COMMD8: variants seen among roughly 807,000 people sequenced by gnomAD.
COMMD8 encodes COMM domain containing 8.
A neutral mutation model predicts 27.2 loss-of-function variants in COMMD8; 28 were observed. That is an observed-to-expected ratio of 1.03 (90% confidence interval 0.76 to 1.41). The LOEUF is 1.41. COMMD8 is among the 40% of genes most tolerant of loss of function. The pLI is 0.00. For missense variants in COMMD8, 217 were observed against 211.2 expected (o/e 1.03, Z -0.17); for synonymous variants, 79 against 75.5 (o/e 1.05, Z -0.24).
intron 3 of COMMD8, among the ~76,000 whole-genome samples, chr4:47,454,127 G>GT (rs1430388551): frequency 6.6e-6 from 1 of 152,162 alleles, no homozygotes; most frequent in African/African-American, 2.4e-5. Flanking sequence ...CCAATAAATA[G>GT]TTTTTCACCC....
At chr4:47,462,772 T>C (rs1390817909) in intron 1 of COMMD8, among the ~76,000 whole-genome samples, 1 of 152,180 alleles carries the variant, frequency 6.6e-6, no homozygotes, top group Non-Finnish European at 1.5e-5. Flanking sequence ...AAATTTCTGC[T>C]GACATTTCAG....
intron 2 of COMMD8, 98 bp downstream of exon 2, chr4:47,460,046 A>C (rs1347868389): frequency 1.1e-6 from 1 of 905,976 alleles, no homozygotes; most frequent in Non-Finnish European, 1.6e-6. Context: ...ATTTGTTGTT[A>C]CTGATGATAG....
At chr4:47,454,248 G>A (rs780904038) in intron 3 of COMMD8, among the ~76,000 whole-genome samples, 18 of 152,220 alleles carry the variant, frequency 1.2e-4, no homozygotes, top group Admixed American at 5.2e-4. Flanking sequence ...GAATTGAAAC[G>A]TATCTTATTG....
chr4:47,456,799 T>C, intron 2 of COMMD8, 70 bp from the exon 3 acceptor site: 3 of 1,184,122 alleles, frequency 2.5e-6, no homozygotes, highest in African/African-American at 3.2e-5. Context: ...ACTCTCCTTT[T>C]GCACACTTTT....
At chr4:47,456,497 T>G in intron 3 of COMMD8, 80 bp downstream of exon 3, 1 of 992,050 alleles carries the variant, frequency 1.0e-6, no homozygotes, top group Non-Finnish European at 1.4e-6. Flanking sequence ...AATAACAAAT[T>G]TTATATATAT....
At chr4:47,459,478 G>A (rs953136540) in intron 2 of COMMD8, among the ~76,000 whole-genome samples, 1 of 152,108 alleles carries the variant, frequency 6.6e-6, no homozygotes. Context: ...ATTTATAGCA[G>A]CACTACTTGT....
At chr4:47,454,864 C>CAAAAAAAAAA (rs1187989270) in intron 3 of COMMD8, among the ~76,000 whole-genome samples, 1 of 39,518 alleles carries the variant, frequency 2.5e-5, no homozygotes, top group Non-Finnish European at 4.5e-5. Flanking sequence ...AACTCCATCT[C>CAAAAAAAAAA]AAAAAAAAAA....
rs181333058 is a variant in COMMD8 at position 47,451,673 on chromosome 4, C to T, written c.532-8G>A. On this transcript the variant is annotated splice_region_variant and splice_polypyrimidine_tract_variant and intron_variant, in intron 4 of 4. Coordinates refer to ENST00000381571, the MANE Select transcript of COMMD8 (RefSeq NM_017845.5). Reference sequence around the variant, plus strand: ...TTTCAACTGCAGGACCACCTTAAAACACAAATTGAAGAGAAAATATCAGGT... The same window carrying T: ...TTTCAACTGCAGGACCACCTTAAAATACAAATTGAAGAGAAAATATCAGGT... 8.7e-5 allele frequency: 137 copies of T among 1,568,722 alleles called. No homozygotes were observed. The highest frequency in any genetic ancestry group is 8.7e-4 in the African/African-American group (62 of 71,154).
chr4:47,458,695 AT>A (rs1319837985), intron 2 of COMMD8, among the ~76,000 whole-genome samples: 2 of 152,124 alleles, frequency 1.3e-5, no homozygotes, highest in Non-Finnish European at 2.9e-5. Context: ...ATCCGAAAAT[AT>A]AATAGCCAAG....
intron 2 of COMMD8, among the ~76,000 whole-genome samples, chr4:47,458,903 C>A (rs889711034): frequency 1.3e-4 from 20 of 152,098 alleles, no homozygotes; most frequent in African/African-American, 4.6e-4. Flanking sequence ...AAAGGCAGCA[C>A]AGCAATATTG....
intron 4 of COMMD8, 74 bp downstream of exon 4, chr4:47,452,985 A>G: frequency 1.5e-6 from 2 of 1,321,792 alleles, no homozygotes; most frequent in African/African-American, 1.5e-5. Flanking sequence ...TGACAGAGTG[A>G]GACTCCAACG....
rs1041817149 is a variant in COMMD8 at position 47,451,491 on chromosome 4, T to C, written c.*154A>G. On this transcript the variant is annotated 3_prime_UTR_variant, in exon 5 of 5. Coordinates refer to ENST00000381571, the MANE Select transcript of COMMD8 (RefSeq NM_017845.5). ...CCATGTAATTTCCTGTTAAGGAATG[T>C]TGATAAATTTTTATCTTTATAATAT... 12 of 613,836 alleles carry C rather than the reference T, an allele frequency of 2.0e-5. No homozygotes were observed. The highest frequency in any genetic ancestry group is 1.4e-4 in the Admixed American group (4 of 28,616). 38.0% of individuals were successfully genotyped at this position (613,836 alleles called of 1,614,324 possible).
intron 3 of COMMD8, among the ~76,000 whole-genome samples, chr4:47,456,287 T>C: frequency 6.9e-6 from 1 of 144,836 alleles, no homozygotes; most frequent in African/African-American, 2.5e-5. Context: ...TATATATATA[T>C]ATATATATAT....
In COMMD8 at chr4:47,456,614, G is replaced by A. The variant is rs540984741; in HGVS notation, c.338C>T (p.Ser113Phe). 6.2e-5 allele frequency: 99 copies of A among 1,609,468 alleles called. No individual in the cohort carries two copies. In the South Asian group the frequency reaches 9.2e-4, roughly 15 times the overall value. The change falls in exon 3 of 5, where the codon TCC becomes TTC. Residue 113 changes from serine (S) to phenylalanine (F), a missense_variant. Transcript: ENST00000381571. ...QALSREIVAISSAQLQDFDWQ... is the reference protein window; with the variant it reads ...QALSREIVAIFSAQLQDFDWQ... ...ATCAAAATCCTGTAGCTGTGCAGAG[G>A]AAATAGCAACTATTTCTCTTGACAG...
intron 3 of COMMD8, among the ~76,000 whole-genome samples, chr4:47,456,263 TATAC>T (rs1339477164): frequency 3.1e-4 from 25 of 81,658 alleles, no homozygotes; most frequent in African/African-American, 1.2e-3. Context: ...ATAAATAAAT[TATAC>T]ATATATATAT....
At chr4:47,458,523 G>T (rs1178038921) in intron 2 of COMMD8, among the ~76,000 whole-genome samples, 1 of 152,040 alleles carries the variant, frequency 6.6e-6, no homozygotes, top group Non-Finnish European at 1.5e-5. Context: ...CAAAATACGA[G>T]AGAGACAAAC....
chr4:47,451,641 C>A lies in COMMD8; in HGVS notation c.*4G>T, dbSNP rs1729756389. On this transcript the variant is annotated 3_prime_UTR_variant, in exon 5 of 5. Coordinates refer to ENST00000381571, the MANE Select transcript of COMMD8 (RefSeq NM_017845.5). ...CTGATAGGACTGGTATTCATCATTT[C>A]CAGTTATTTCAACTGCAGGACCACC... 6.3e-7 allele frequency: 1 copy of A among 1,586,604 alleles called. No homozygotes were observed.
Position 47,454,787 on chromosome 4 carries a change from C to A in COMMD8, c.376-1573G>T, listed in dbSNP as rs531302547. 4.0e-5 allele frequency among the ~76,000 whole-genome samples: 6 copies of A among 149,912 alleles called. No individual in the cohort carries two copies. The East Asian group carries it at 1.0e-3, about 25-fold the overall frequency. ...GGCTGAGGCAGGAGAATCACTTGAA[C>A]CCGGGAGGTGGGGTTGCGGTGAGCA... On this transcript the variant is annotated intron_variant, in intron 3 of 4. Coordinates refer to ENST00000381571, the MANE Select transcript of COMMD8 (RefSeq NM_017845.5).
Position 47,452,955 on chromosome 4 carries a change from C to T in COMMD8, c.531+104G>A, listed in dbSNP as rs376720210. The stretch of plus-strand genomic sequence containing the variant: ...AGGTTGCAGTGAGCCGAGTTCGCGC[C>T]GTTGCCCCTCCAGCCTGGGTGACAG... On this transcript the variant is annotated intron_variant, in intron 4 of 4. Transcript: ENST00000381571. 3.2e-5 allele frequency: 31 copies of T among 967,032 alleles called. 1 individual carries two copies. Among genetic ancestry groups the T allele is most frequent in the South Asian group, 1.3e-4 (7 of 53,956 alleles). The allele number at this position is 967,032 out of a possible 1,614,324, so 59.9% of individuals were successfully genotyped here.
Sources: gnomAD v4.1 joint callset for allele counts (sites outside exome capture counted in the v4.1 genomes callset) on GRCh38, gnomAD v4.1.1 for gene constraint, MANE v1.5 for transcripts, NCBI Gene and HGNC (gene_info 2026-07-23, HGNC 2026-07-21) for gene names.